Variants in LCLAT1 observed in about 807,000 individuals in gnomAD.
LCLAT1 encodes the protein 1-AGP acyltransferase 8.
Under a neutral mutation model 30.7 loss-of-function variants are expected in LCLAT1, and 11 were observed. That is an observed-to-expected ratio of 0.36 (90% CI 0.23 to 0.59). LCLAT1 has a LOEUF of 0.59. Ranked by LOEUF, LCLAT1 falls within the 20% of genes least tolerant of loss-of-function variation. LCLAT1 has a pLI of 0.77. For synonymous variants in LCLAT1, 155 were observed against 151.3 expected (o/e 1.02, Z -0.18); for missense variants, 402 against 458.6 (o/e 0.88, Z 1.13).
At chr2:30,470,038 GC>G (rs1182548290) in intron 1 of LCLAT1, among the ~76,000 whole-genome samples, 1 of 152,070 alleles carries the variant, frequency 6.6e-6, no homozygotes, top group Non-Finnish European at 1.5e-5. Flanking sequence ...GCAAGAATCT[GC>G]ATCTGATTGG....
intron 2 of LCLAT1, among the ~76,000 whole-genome samples, chr2:30,526,702 G>A (rs1685737140): frequency 6.6e-6 from 1 of 152,122 alleles, no homozygotes; most frequent in Admixed American, 6.6e-5. Context: ...TGTCTACCAC[G>A]TACCTAGCAT....
chr2:30,623,429 A>G (rs567286407), intron 5 of LCLAT1, among the ~76,000 whole-genome samples: 119 of 152,278 alleles, frequency 7.8e-4, no homozygotes, highest in Non-Finnish European at 1.2e-3. Context: ...ATAAAAAACA[A>G]CTTCTGGAAA....
chr2:30,531,243 C>T lies in LCLAT1; in HGVS notation c.166-1873C>T, dbSNP rs187041795. Among the ~76,000 whole-genome samples the T allele has an allele frequency of 3.5e-3, 539 of 152,038 alleles. 1 individual carries two copies. The highest frequency in any genetic ancestry group is 0.011 in the African/African-American group (464 of 41,476). On this transcript the variant is annotated intron_variant, in intron 2 of 5. Transcript: ENST00000379509. ...TCGCGCCACTACACTCCAGCCTGGG[C>T]GACAGAGTGAGACTCCGTCTCAAAA...
chr2:30,634,519 G>A lies in LCLAT1; in HGVS notation c.629-5598G>A, dbSNP rs540773793. ...TGTGCGTCTGTAGTCCCAGCTACTC[G>A]GGAGGCTGAGGCAGGAGAATCACTT... On this transcript the variant is annotated intron_variant, in intron 5 of 5. Coordinates refer to ENST00000379509, the MANE Select transcript of LCLAT1 (RefSeq NM_001002257.3). Among the ~76,000 whole-genome samples the A allele has an allele frequency of 2.7e-3, 418 of 152,262 alleles. 3 individuals carry two copies. The highest frequency in any genetic ancestry group is 9.3e-3 in the African/African-American group (385 of 41,540).
chr2:30,614,413 A>G (rs1315838281), intron 5 of LCLAT1, among the ~76,000 whole-genome samples: 1 of 151,964 alleles, frequency 6.6e-6, no homozygotes, highest in Non-Finnish European at 1.5e-5. Context: ...CACAGTAACA[A>G]TCTGATCTCT....
chr2:30,526,261 T>A (rs1449769678), intron 2 of LCLAT1, among the ~76,000 whole-genome samples: 1 of 152,178 alleles, frequency 6.6e-6, no homozygotes, highest in South Asian at 2.1e-4. Context: ...GTATGTTAGA[T>A]TGATTGTCTT....
intron 5 of LCLAT1, among the ~76,000 whole-genome samples, chr2:30,582,939 A>C (rs1666266984): frequency 6.6e-6 from 1 of 152,238 alleles, no homozygotes; most frequent in African/African-American, 2.4e-5. Context: ...GCAGATTGCT[A>C]TTCTTTTATA....
Position 30,641,896 on chromosome 2 carries a change from C to CTTTTCT in LCLAT1, c.*1281_*1282insCTTTTT, listed in dbSNP as rs1558577164. 1.2e-5 allele frequency: 1 copy of CTTTTCT among 83,396 alleles called. No homozygotes were observed. The highest frequency in any genetic ancestry group is 3.9e-5 in the African/African-American group (1 of 25,472). The allele number at this position is 83,396 out of a possible 1,614,324, so 5.2% of individuals were successfully genotyped here. On this transcript the variant is annotated 3_prime_UTR_variant, in exon 6 of 6. Transcript: ENST00000379509. ...CTGTTGGAGCTGCACACTTTTTTTT[C>CTTTTCT]TTTTTTTTTTTCTTTTTTTTTTTGT...
At position 30,448,002 on chromosome 2, in the gene LCLAT1, C is replaced by T. The variant is rs570942433; in HGVS notation, c.-5+619C>T. Among the ~76,000 whole-genome samples, 4 of 152,332 alleles carry T rather than the reference C, an allele frequency of 2.6e-5. 1 individual carries two copies. Among genetic ancestry groups the T allele is most frequent in the African/African-American group, 9.6e-5 (4 of 41,572 alleles). On this transcript the variant is annotated intron_variant, in intron 1 of 5. Coordinates refer to ENST00000379509, the MANE Select transcript of LCLAT1 (RefSeq NM_001002257.3). ...ACCTGATCTTTAAGGTGTATCGTAG[C>T]TTCTAATTGCCCATTTGAAGAAAAG...
At chr2:30,533,760 C>T (rs1408115580) in intron 3 of LCLAT1, among the ~76,000 whole-genome samples, 1 of 152,062 alleles carries the variant, frequency 6.6e-6, no homozygotes, top group Non-Finnish European at 1.5e-5. Flanking sequence ...TCTGAACTTC[C>T]CCAATCTATA....
intron 1 of LCLAT1, among the ~76,000 whole-genome samples, chr2:30,461,600 A>T (rs1194113649): frequency 1.3e-5 from 2 of 151,848 alleles, no homozygotes; most frequent in African/African-American, 4.8e-5. Flanking sequence ...TGGTAAGGAA[A>T]GCCATAACTT....
At chr2:30,459,112 G>A (rs965265042) in intron 1 of LCLAT1, among the ~76,000 whole-genome samples, 6 of 152,164 alleles carry the variant, frequency 3.9e-5, no homozygotes, top group African/African-American at 1.4e-4. Context: ...CTTTAGGAAG[G>A]TCTTTGGGTT....
At chr2:30,537,549 C>G (rs541047066) in intron 3 of LCLAT1, among the ~76,000 whole-genome samples, 1 of 151,934 alleles carries the variant, frequency 6.6e-6, no homozygotes, top group African/African-American at 2.4e-5. Flanking sequence ...CACACACGCA[C>G]GCACACCAAA....
At chr2:30,477,270 G>T (rs1207651962) in intron 1 of LCLAT1, among the ~76,000 whole-genome samples, 1 of 152,086 alleles carries the variant, frequency 6.6e-6, no homozygotes, top group Admixed American at 6.5e-5. Flanking sequence ...CCATTTGTAG[G>T]TAAATTAATT....
At chr2:30,478,502 A>AT in intron 1 of LCLAT1, among the ~76,000 whole-genome samples, 1 of 152,292 alleles carries the variant, frequency 6.6e-6, no homozygotes, top group Admixed American at 6.5e-5. Flanking sequence ...TCTATAGAAT[A>AT]GTTATATGTG....
chr2:30,479,824 A>C (rs1255099152), intron 1 of LCLAT1, among the ~76,000 whole-genome samples: 6 of 152,358 alleles, frequency 3.9e-5, no homozygotes, highest in Non-Finnish European at 7.3e-5. Context: ...AAAAGAAAAA[A>C]GTAAAAGAAA....
At chr2:30,482,881 T>A (rs1683386577) in intron 1 of LCLAT1, among the ~76,000 whole-genome samples, 1 of 151,928 alleles carries the variant, frequency 6.6e-6, no homozygotes, top group Admixed American at 6.6e-5. Flanking sequence ...TGGAGTAAGA[T>A]ACACTTGGGG....
intron 5 of LCLAT1, among the ~76,000 whole-genome samples, chr2:30,601,272 C>T (rs1238604779): frequency 2.6e-5 from 4 of 152,084 alleles, no homozygotes; most frequent in African/African-American, 9.7e-5. Context: ...CCCATAGTAA[C>T]AAGGTGATAT....
At chr2:30,567,841 G>A (rs1212315996) in intron 4 of LCLAT1, among the ~76,000 whole-genome samples, 1 of 152,024 alleles carries the variant, frequency 6.6e-6, no homozygotes, top group South Asian at 2.1e-4. Context: ...TTTGGCTTTC[G>A]AGCAGCAAAT....
Sources: allele counts gnomAD v4.1 joint callset (sites outside exome capture counted in the v4.1 genomes callset), GRCh38; gene constraint gnomAD v4.1.1; transcripts MANE v1.5; gene names NCBI Gene and HGNC (gene_info 2026-07-23, HGNC 2026-07-21).